Variants in SLC35F3 observed in about 807,000 individuals in gnomAD.
SLC35F3 encodes putative thiamine transporter SLC35F3.
In SLC35F3, 25 loss-of-function variants were observed where a neutral mutation model predicts 49.9. That is an observed-to-expected ratio of 0.50 (90% CI 0.37 to 0.70). The LOEUF (loss-of-function observed/expected upper bound fraction) is 0.70. Among genes scored for constraint, SLC35F3 ranks in the 30% least tolerant of loss-of-function variants. The pLI, the probability that SLC35F3 is intolerant of heterozygous loss-of-function variation, is 0.00. For synonymous variants in SLC35F3, 275 were observed against 265.4 expected (o/e 1.04, Z -0.35); for missense variants, 525 against 639.8 (o/e 0.82, Z 1.94).
intron 2 of SLC35F3, among the ~76,000 whole-genome samples, chr1:234,103,322 C>T (rs1446721230): frequency 6.6e-6 from 1 of 152,070 alleles, no homozygotes; most frequent in Non-Finnish European, 1.5e-5. Flanking sequence ...TTCACTGCAT[C>T]TGAGCATCTG....
chr1:233,941,802 A>G (rs907398825), intron 2 of SLC35F3, among the ~76,000 whole-genome samples: 2 of 152,110 alleles, frequency 1.3e-5, no homozygotes, highest in Admixed American at 6.6e-5. Flanking sequence ...CTTTATTGAG[A>G]TATGGTTCAT....
intron 2 of SLC35F3, among the ~76,000 whole-genome samples, chr1:234,170,457 A>C (rs1436667994): frequency 6.6e-6 from 1 of 151,950 alleles, no homozygotes; most frequent in African/African-American, 2.4e-5. Context: ...TTTTGACCAG[A>C]TGTCCTTAGG....
At chr1:234,084,917 A>C (rs1270906757) in intron 2 of SLC35F3, among the ~76,000 whole-genome samples, 1 of 152,244 alleles carries the variant, frequency 6.6e-6, no homozygotes, top group African/African-American at 2.4e-5. Context: ...GATATTCTGC[A>C]GTCAGCCTAA....
At chr1:234,004,501 G>T (rs2102834203) in intron 2 of SLC35F3, among the ~76,000 whole-genome samples, 1 of 152,114 alleles carries the variant, frequency 6.6e-6, no homozygotes, top group African/African-American at 2.4e-5. Flanking sequence ...GTTATAATTG[G>T]GGGTGATAAG....
At chr1:234,303,999 ATCCTTCCTTCCTTCCT>A (rs745697175) in intron 3 of SLC35F3, among the ~76,000 whole-genome samples, 3 of 125,420 alleles carry the variant, frequency 2.4e-5, no homozygotes, top group East Asian at 4.4e-4. Context: ...TCCTAATTTT[ATCCTTCCTTCCTTCCT>A]TCCTTCCTTC....
At chr1:234,172,514 AC>A (rs1344775159) in intron 2 of SLC35F3, among the ~76,000 whole-genome samples, 5 of 152,230 alleles carry the variant, frequency 3.3e-5, no homozygotes, top group Middle Eastern at 3.2e-3. Flanking sequence ...GGTGTGAGGC[AC>A]CTGGCCGAAT....
chr1:234,256,527 C>T (rs913798843), intron 3 of SLC35F3, among the ~76,000 whole-genome samples: 2 of 152,236 alleles, frequency 1.3e-5, no homozygotes, highest in Non-Finnish European at 2.9e-5. Flanking sequence ...TTCACAGCCT[C>T]ATGACTCCTC....
At chr1:233,948,223 GAGAGGGA>G (rs2102803248) in intron 2 of SLC35F3, among the ~76,000 whole-genome samples, 1 of 137,494 alleles carries the variant, frequency 7.3e-6, no homozygotes, top group African/African-American at 3.1e-5. Context: ...GAGAGAGGGA[GAGAGGGA>G]GAGAGAGAGA....
chr1:233,961,681 C>T lies in SLC35F3; in HGVS notation c.283+55923C>T, dbSNP rs112355070. Among the ~76,000 whole-genome samples, 797 of 152,198 alleles carry T rather than the reference C, an allele frequency of 5.2e-3. 5 individuals are homozygous for T. The highest frequency in any genetic ancestry group is 0.018 in the African/African-American group (758 of 41,536). Reference sequence around the variant, plus strand: ...ATGTTGGCCAGGCTAGTCTTGAACTCCTGGCCTCAGATGATCCACTTGCTT... The same window carrying T: ...ATGTTGGCCAGGCTAGTCTTGAACTTCTGGCCTCAGATGATCCACTTGCTT... On this transcript the variant is annotated intron_variant, in intron 2 of 7. Transcript: ENST00000366618.
At chr1:234,159,405 C>T (rs1045087752) in intron 2 of SLC35F3, among the ~76,000 whole-genome samples, 2 of 151,872 alleles carry the variant, frequency 1.3e-5, no homozygotes, top group Non-Finnish European at 2.9e-5. Context: ...GGTGAAACGC[C>T]GTCTCTACCA....
chr1:233,936,006 T>C (rs1411912931), intron 2 of SLC35F3, among the ~76,000 whole-genome samples: 1 of 152,190 alleles, frequency 6.6e-6, no homozygotes, highest in African/African-American at 2.4e-5. Context: ...AATAACATAA[T>C]TCTGTTGACT....
chr1:234,143,401 G>C (rs2102904613), intron 2 of SLC35F3, among the ~76,000 whole-genome samples: 1 of 149,882 alleles, frequency 6.7e-6, no homozygotes, highest in African/African-American at 2.5e-5. Flanking sequence ...CGATTCTCCT[G>C]CCTCAGCCTC....
At chr1:234,072,352 T>C (rs755197298) in intron 2 of SLC35F3, among the ~76,000 whole-genome samples, 10 of 152,216 alleles carry the variant, frequency 6.6e-5, no homozygotes, top group Non-Finnish European at 1.3e-4. Flanking sequence ...CCTGTGCCAG[T>C]CATTGGGCCC....
Position 234,231,740 on chromosome 1 carries a change from A to C in SLC35F3, c.607A>C (p.Arg203=). ...TEKQSVKQRY[R]ECCRFFGDNG... ...GAAGCAGTCTGTGAAGCAGCGATACAGGTAGGCGCGTCCTGCATGAGGAGG... is the reference window on the plus strand; with the variant it reads ...GAAGCAGTCTGTGAAGCAGCGATACCGGTAGGCGCGTCCTGCATGAGGAGG... Residue 203 remains arginine, a splice_region_variant and synonymous_variant, in exon 3 of 8, where the codon AGG becomes CGG. Transcript: ENST00000366618. This position sits in a 1 kb window ranked among gnomAD's most constrained non-coding sequence, Gnocchi z 5.4. 6.3e-7 allele frequency: 1 copy of C among 1,598,042 alleles called. No individual in the cohort carries two copies. Among genetic ancestry groups the C allele is most frequent in the Non-Finnish European group, 8.5e-7 (1 of 1,169,806 alleles).
At chr1:234,023,021 C>T in intron 2 of SLC35F3, among the ~76,000 whole-genome samples, 1 of 152,240 alleles carries the variant, frequency 6.6e-6, no homozygotes, top group African/African-American at 2.4e-5. Flanking sequence ...AACATCTAGG[C>T]TTGGAGGGAA....
chr1:234,037,658 A>G (rs1434301502), intron 2 of SLC35F3, among the ~76,000 whole-genome samples: 1 of 152,248 alleles, frequency 6.6e-6, no homozygotes, highest in Non-Finnish European at 1.5e-5. Context: ...GCCATGCGAG[A>G]GCATGCTGTT....
At chr1:234,305,409 A>T in intron 3 of SLC35F3, among the ~76,000 whole-genome samples, 1 of 140,996 alleles carries the variant, frequency 7.1e-6, no homozygotes. Context: ...TTTGAGACAG[A>T]GTCTTGCTCT....
At chr1:234,226,454 G>C (rs1033996135) in intron 2 of SLC35F3, among the ~76,000 whole-genome samples, 1 of 151,030 alleles carries the variant, frequency 6.6e-6, no homozygotes, top group South Asian at 2.1e-4. Context: ...AAACATTATT[G>C]GTCTCTTGAA....
At chr1:233,971,689 G>A (rs1367239171) in intron 2 of SLC35F3, among the ~76,000 whole-genome samples, 3 of 142,110 alleles carry the variant, frequency 2.1e-5, no homozygotes, top group African/African-American at 8.0e-5. Context: ...CTGCACTCCA[G>A]CCTGGGTGAC....
Sources: allele counts gnomAD v4.1 joint callset (sites outside exome capture counted in the v4.1 genomes callset), GRCh38; gene constraint gnomAD v4.1.1; non-coding constraint Gnocchi (gnomAD v3.1); transcripts MANE v1.5; gene names NCBI Gene and HGNC (gene_info 2026-07-23, HGNC 2026-07-21).